The following BSN variants were observed in gnomAD, a reference collection of about 807,000 sequenced individuals.
BSN encodes the protein protein bassoon.
A neutral mutation model predicts 264.8 loss-of-function variants in BSN; 57 were observed. The ratio of observed to expected loss-of-function variants is 0.22; its 90% CI spans 0.17 to 0.27. The LOEUF is 0.27. Ranked by LOEUF, BSN falls within the 10% of genes least tolerant of loss-of-function variation. The probability of loss-of-function intolerance (pLI) is 1.00; values close to 1 mark genes in which losing one functional copy is unlikely to be tolerated. For synonymous variants in BSN, 2,059 were observed against 2,137.3 expected (o/e 0.96, Z 1.01); for missense variants, 4,615 against 5,232.5 (o/e 0.88, Z 3.64).
chr3:49,600,068 CTCA>C (rs2052060152), intron 1 of BSN, among the ~76,000 whole-genome samples: 1 of 152,210 alleles, frequency 6.6e-6, no homozygotes, highest in South Asian at 2.1e-4. Flanking sequence ...AAGCAAGCAG[CTCA>C]TCATCAAGTA....
At position 49,554,630 on chromosome 3, in the gene BSN, G is replaced by T; in HGVS notation, c.28G>T (p.Gly10Cys). 1.0e-6 allele frequency: 1 copy of T among 982,704 alleles called. No individual in the cohort carries two copies. The highest frequency in any genetic ancestry group is 4.5e-5 in the South Asian group (1 of 22,058). The allele number at this position is 982,704 out of a possible 1,614,324, so 60.9% of individuals were successfully genotyped here. Residue 10 changes from glycine to cysteine, a missense_variant, in exon 1 of 12, where the codon GGC (glycine) becomes TGC (cysteine). Coordinates refer to ENST00000296452, the MANE Select transcript of BSN (RefSeq NM_003458.4). Reference sequence around the variant, plus strand: ...GGGCAACGAGGTCAGCCTGGAGGGCGGCGCTGGCGACGGGCCGCTGCCGCC... The same window carrying T: ...GGGCAACGAGGTCAGCCTGGAGGGCTGCGCTGGCGACGGGCCGCTGCCGCC... MGNEVSLEG[G>C]AGDGPLPPGG...
At chr3:49,605,809 T>A (rs1295327413) in intron 1 of BSN, among the ~76,000 whole-genome samples, 2 of 77,552 alleles carry the variant, frequency 2.6e-5, no homozygotes, top group Non-Finnish European at 4.4e-5. Context: ...TTTATATATA[T>A]AAATATATTT....
intron 1 of BSN, among the ~76,000 whole-genome samples, chr3:49,605,272 T>A (rs1344403968): frequency 9.4e-6 from 1 of 106,286 alleles, no homozygotes; most frequent in African/African-American, 3.7e-5. Context: ...AATATATATA[T>A]ACATATATAT....
rs781283813 is a variant in BSN at position 49,653,923 on chromosome 3, C to A, written c.4367C>A (p.Ala1456Glu). The change falls in exon 5 of 12, where the codon GCG (alanine) becomes GAG (glutamate). Residue 1456 changes from alanine to glutamate, a missense_variant. Physicochemically the swap from Ala to Glu is moderately radical, Grantham distance 107. Transcript: ENST00000296452. This position sits in a 1 kb window ranked among gnomAD's most constrained non-coding sequence, Gnocchi z 6.3. ...GRAAREKPLSASDGEGGTPQP... is the reference protein window; with the variant it reads ...GRAAREKPLSESDGEGGTPQP... ...GCTGCTAGAGAGAAGCCCTTGAGTGCGAGTGACGGTGAGGGTGGCACTCCT... is the reference window on the plus strand; with the variant it reads ...GCTGCTAGAGAGAAGCCCTTGAGTGAGAGTGACGGTGAGGGTGGCACTCCT... The A allele has an allele frequency of 3.1e-6, 5 of 1,614,120 alleles. No homozygotes were observed. Among genetic ancestry groups the A allele is most frequent in the Non-Finnish European group, 2.5e-6 (3 of 1,180,004 alleles).
chr3:49,573,146 T>C (rs2051810847), intron 1 of BSN, among the ~76,000 whole-genome samples: 1 of 152,122 alleles, frequency 6.6e-6, no homozygotes, highest in African/African-American at 2.4e-5. Flanking sequence ...CAAAATTCTA[T>C]TGAAGGAGTA....
rs968856051 is a variant in BSN at position 49,662,256 on chromosome 3, G to A, written c.10411G>A (p.Glu3471Lys). Residue 3471 changes from glutamate to lysine, a missense_variant, in exon 6 of 12, where the codon GAG (glutamate) becomes AAG (lysine). Physicochemically the swap from Glu to Lys is moderately conservative, Grantham distance 56 (BLOSUM62 1). Coordinates refer to ENST00000296452, the MANE Select transcript of BSN (RefSeq NM_003458.4). ...GGGCAAGGGGTACGAAAGGGAACGG[G>A]AGGCTGTGGAGCGACTTCAAAAAGC... ...GWGKGYEREREAVERLQKAGP... is the reference protein window; with the variant it reads ...GWGKGYERERKAVERLQKAGP... 6.2e-7 allele frequency: 1 copy of A among 1,613,948 alleles called. No individual in the cohort carries two copies.
chr3:49,564,820 C>T (rs1238564931), intron 1 of BSN, among the ~76,000 whole-genome samples: 1 of 152,182 alleles, frequency 6.6e-6, no homozygotes, highest in African/African-American at 2.4e-5. Context: ...CTAGCCATGG[C>T]AGCCCCTGTG....
At chr3:49,605,409 T>A (rs1278629382) in intron 1 of BSN, among the ~76,000 whole-genome samples, 1 of 44,544 alleles carries the variant, frequency 2.2e-5, no homozygotes, top group Non-Finnish European at 3.8e-5. Flanking sequence ...TTTATATAAT[T>A]TATATTTTAT....
chr3:49,650,555 T>G, intron 3 of BSN, 57 bp from the exon 4 acceptor site: 1 of 1,435,070 alleles, frequency 7.0e-7, no homozygotes, highest in Non-Finnish European at 9.6e-7. Flanking sequence ...GAAATATTAT[T>G]TGAGGACTTC....
In BSN at chr3:49,655,424, G is replaced by C; in HGVS notation, c.5868G>C (p.Arg1956=). 1 of 1,569,454 alleles carries C rather than the reference G, an allele frequency of 6.4e-7. No homozygotes were observed. Among genetic ancestry groups the C allele is most frequent in the Non-Finnish European group, 8.6e-7 (1 of 1,157,400 alleles). The part of the protein sequence containing the change: ...DPEPPEPPTY[R]AQGVVGPGPH... ...AGCCTCCTGAGCCCCCAACCTACCGGGCACAGGGGGTGGTGGGGCCTGGGC... is the reference window on the plus strand; with the variant it reads ...AGCCTCCTGAGCCCCCAACCTACCGCGCACAGGGGGTGGTGGGGCCTGGGC... The change falls in exon 5 of 12, where the codon CGG becomes CGC. Residue 1956 remains arginine (R), a synonymous_variant. Transcript: ENST00000296452.
In BSN at chr3:49,651,454, C is replaced by T; in HGVS notation, c.1987-89C>T. On this transcript the variant is annotated intron_variant, in intron 4 of 11. Transcript: ENST00000296452. The surrounding 1 kb of genome is among the most constrained non-coding windows in gnomAD (Gnocchi z 5.4). Reference sequence around the variant, plus strand: ...CCCTTGGGAAATGGACAGACTCTTCCCCAGGGTCCTGGGATTGACAGGGAG... The same window carrying T: ...CCCTTGGGAAATGGACAGACTCTTCTCCAGGGTCCTGGGATTGACAGGGAG... The T allele has an allele frequency of 7.2e-7, 1 of 1,398,180 alleles. No homozygotes were observed. The highest frequency in any genetic ancestry group is 2.3e-5 in the East Asian group (1 of 43,292). The allele number at this position is 1,398,180 out of a possible 1,614,324, so 86.6% of individuals were successfully genotyped here. A position where few individuals can be genotyped will look rare whatever the true frequency, so the allele number is the denominator to read the frequency against.
intron 1 of BSN, among the ~76,000 whole-genome samples, chr3:49,605,073 A>G (rs906692561): frequency 6.6e-6 from 1 of 150,576 alleles, no homozygotes; most frequent in Non-Finnish European, 1.5e-5. Flanking sequence ...CAGCTTGGCC[A>G]ACATGGTGAA....
chr3:49,642,853 G>T lies in BSN; in HGVS notation c.1219G>T (p.Gly407Trp). 6.2e-7 allele frequency: 1 copy of T among 1,613,614 alleles called. No individual in the cohort carries two copies. Among genetic ancestry groups the T allele is most frequent in the Non-Finnish European group, 8.5e-7 (1 of 1,179,914 alleles). The change falls in exon 3 of 12, where the codon GGG (glycine) becomes TGG (tryptophan). Residue 407 changes from glycine (G) to tryptophan (W), a missense_variant. By Grantham distance (184) the Gly-to-Trp change is radical. Around this residue, in one of 3 missense-constraint regions of BSN, gnomAD observed 1,197 missense variants for 1,348.0 expected, o/e 0.89. Transcript: ENST00000296452. This position sits in a 1 kb window ranked among gnomAD's most constrained non-coding sequence, Gnocchi z 7.0. ...ACCCTTGGGCTCAGGGCCCGGGCCT[G>T]GGCCAGCACCTGGAGCCAAAACTGA... Reference protein sequence around the residue: ...PKPLGSGPGPGPAPGAKTEPG... With the variant: ...PKPLGSGPGPWPAPGAKTEPG...
chr3:49,605,691 A>G lies in BSN; in HGVS notation c.225-19284A>G, dbSNP rs568975310. 4.8e-4 allele frequency among the ~76,000 whole-genome samples: 29 copies of G among 60,836 alleles called. 2 individuals carry two copies. The highest frequency in any genetic ancestry group is 1.9e-3 in the African/African-American group (27 of 13,990). 39.9% of individuals were successfully genotyped at this position (60,836 alleles called of 152,430 possible). ...ATATTACATATATGTAATATATATT[A>G]TATATAATATATATAAAATATATAA... is the stretch of plus-strand genomic sequence containing the variant. On this transcript the variant is annotated intron_variant, in intron 1 of 11. Transcript: ENST00000296452.
chr3:49,629,755 C>A (rs1247594716), intron 2 of BSN, among the ~76,000 whole-genome samples: 2 of 152,228 alleles, frequency 1.3e-5, no homozygotes, highest in African/African-American at 4.8e-5. Flanking sequence ...AGGGCTGCCA[C>A]CCCATCCCCA....
rs1466301207 is a variant in BSN, at chr3:49,661,176, G to C, written c.9331G>C (p.Ala3111Pro). 2 of 1,613,480 alleles carry C rather than the reference G, an allele frequency of 1.2e-6. No individual in the cohort carries two copies. Among genetic ancestry groups the C allele is most frequent in the Admixed American group, 3.3e-5 (2 of 60,020 alleles). ...TGAGCCTGGCCTGCCAAACCAGCAG[G>C]CTTTCCGCCCCACAGGCCACTATGC... ...PAEPGLPNQQ[A>P]FRPTGHYAGQ... Residue 3111 changes from alanine to proline, a missense_variant, in exon 6 of 12, where the codon GCT becomes CCT. Ala to Pro is a conservative substitution (Grantham distance 27, BLOSUM62 -1). Transcript: ENST00000296452.
In BSN at chr3:49,657,886, A is replaced by G. The variant is rs754574772; in HGVS notation, c.8330A>G (p.Glu2777Gly). 5.0e-6 allele frequency: 8 copies of G among 1,613,660 alleles called. No homozygotes were observed. The South Asian group carries it at 8.8e-5, about 18-fold the overall frequency. ...GGGTACCAGGCCCACCTGCCTCCGGAGTCTCTCTCACAGCTTGTGAGCCGC... is the reference window on the plus strand; with the variant it reads ...GGGTACCAGGCCCACCTGCCTCCGGGGTCTCTCTCACAGCTTGTGAGCCGC... ...EIGYQAHLPP[E>G]SLSQLVSRQP... Residue 2777 changes from glutamate to glycine, a missense_variant, in exon 5 of 12, where the codon GAG becomes GGG. This residue lies in a region of BSN where 3,415 missense variants were observed against 3,866.4 expected (regional missense o/e 0.88). Transcript: ENST00000296452.
intron 1 of BSN, among the ~76,000 whole-genome samples, chr3:49,580,828 A>C (rs144345810): frequency 5.8e-4 from 89 of 152,274 alleles, no homozygotes; most frequent in Middle Eastern, 3.4e-3. Flanking sequence ...AACCATTTTA[A>C]GTGTACAATT....
At chr3:49,663,932 G>T in intron 8 of BSN, 46 bp downstream of exon 8, 1 of 1,573,722 alleles carries the variant, frequency 6.4e-7, no homozygotes, top group Non-Finnish European at 8.7e-7. Context: ...AGAGCACCCA[G>T]GCTGTTCTCT....
Sources: allele counts gnomAD v4.1 joint callset (sites outside exome capture counted in the v4.1 genomes callset), GRCh38; gene constraint gnomAD v4.1.1; regional missense constraint gnomAD v4.1.1; non-coding constraint Gnocchi (gnomAD v3.1); transcripts MANE v1.5; gene names NCBI Gene and HGNC (gene_info 2026-07-23, HGNC 2026-07-21).